Variants in CTIF observed in about 807,000 individuals in gnomAD.
The protein encoded by CTIF is CBP80/20-dependent translation initiation factor.
A neutral mutation model predicts 66.0 loss-of-function variants in CTIF; 21 were observed. The ratio of observed to expected loss-of-function variants is 0.32; its 90% confidence interval spans 0.23 to 0.46. CTIF has a LOEUF of 0.46. CTIF is among the 20% of genes least tolerant of loss of function. The probability of loss-of-function intolerance (pLI) is 1.00; values close to 1 mark genes in which losing one functional copy is unlikely to be tolerated. For missense variants in CTIF, 739 were observed against 812.7 expected, an observed-to-expected ratio of 0.91 and a Z score of 1.10; for synonymous variants, 345 against 326.4, an observed-to-expected ratio of 1.06 and a Z score of -0.62.
chr18:48,608,368 T>A (rs1385799289), intron 1 of CTIF, among the ~76,000 whole-genome samples: 2 of 152,144 alleles, frequency 1.3e-5, no homozygotes, highest in Non-Finnish European at 2.9e-5. Context: ...ATTTTTAAAA[T>A]ATCTAACTGG....
chr18:48,768,739 A>G (rs549059862), intron 9 of CTIF, among the ~76,000 whole-genome samples: 2 of 151,568 alleles, frequency 1.3e-5, no homozygotes, highest in Non-Finnish European at 3.0e-5. Flanking sequence ...AAAAGACCCC[A>G]TCTTTGAAAA....
At chr18:48,581,229 G>T (rs372728361) in intron 1 of CTIF, among the ~76,000 whole-genome samples, 670 of 149,168 alleles carry the variant, frequency 4.5e-3, no homozygotes, top group African/African-American at 4.9e-3. Flanking sequence ...TTTTTTTTGG[G>T]TTTTTTTTGT....
intron 6 of CTIF, among the ~76,000 whole-genome samples, chr18:48,691,605 G>A (rs2091926418): frequency 6.6e-6 from 1 of 152,116 alleles, no homozygotes; most frequent in Non-Finnish European, 1.5e-5. Flanking sequence ...CTGGGAACAG[G>A]TGCTCATGTC....
chr18:48,829,592 G>C (rs537420485), intron 10 of CTIF, among the ~76,000 whole-genome samples: 1 of 152,186 alleles, frequency 6.6e-6, no homozygotes, highest in African/African-American at 2.4e-5. Context: ...CCCAGCCTCC[G>C]TGCTCCAGCA....
At chr18:48,723,883 T>C (rs1418019748) in intron 7 of CTIF, among the ~76,000 whole-genome samples, 1 of 152,204 alleles carries the variant, frequency 6.6e-6, no homozygotes, top group Middle Eastern at 3.2e-3. Flanking sequence ...TTGGAATATT[T>C]TGGGAGGCCT....
At chr18:48,566,039 T>C (rs2089273215) in intron 1 of CTIF, 1 of 152,178 alleles carries the variant, frequency 6.6e-6, no homozygotes, top group Non-Finnish European at 1.5e-5. Flanking sequence ...CACTCAGGGA[T>C]GCTGGCATAC....
chr18:48,690,266 G>T (rs1007332111), intron 6 of CTIF, among the ~76,000 whole-genome samples: 1 of 151,792 alleles, frequency 6.6e-6, no homozygotes, highest in East Asian at 1.9e-4. Context: ...TAACTCCTCC[G>T]CTAGTCCTCC....
chr18:48,775,766 G>C (rs1910610794), intron 9 of CTIF, among the ~76,000 whole-genome samples: 1 of 152,364 alleles, frequency 6.6e-6, no homozygotes, highest in African/African-American at 2.4e-5. Context: ...GGATCTGGGT[G>C]GAAGGAAGAC....
At chr18:48,545,949 G>A (rs12607412) in intron 1 of CTIF, among the ~76,000 whole-genome samples, 96,433 of 152,046 alleles carry the variant, frequency 0.63, 31,742 homozygotes, top group East Asian at 0.92. Flanking sequence ...AGAATCCAGC[G>A]ACAGCCAAGA....
At chr18:48,738,339 C>T (rs965546075) in intron 7 of CTIF, among the ~76,000 whole-genome samples, 1 of 152,146 alleles carries the variant, frequency 6.6e-6, no homozygotes, top group Non-Finnish European at 1.5e-5. Context: ...TTTCTTAGCT[C>T]AGAACCCTCC....
intron 5 of CTIF, among the ~76,000 whole-genome samples, chr18:48,667,937 T>G (rs2091463521): frequency 6.6e-6 from 1 of 152,246 alleles, no homozygotes; most frequent in Non-Finnish European, 1.5e-5. Flanking sequence ...CACTGCAGCC[T>G]TCCTGGGATG....
chr18:48,837,549 G>A (rs531589032), intron 10 of CTIF, among the ~76,000 whole-genome samples: 1 of 152,214 alleles, frequency 6.6e-6, no homozygotes, highest in Non-Finnish European at 1.5e-5. Context: ...AGCCCAAACT[G>A]AACAAAGGCG....
chr18:48,786,171 A>T (rs762414885), intron 9 of CTIF, among the ~76,000 whole-genome samples: 18 of 152,152 alleles, frequency 1.2e-4, no homozygotes, highest in Admixed American at 2.0e-4. Flanking sequence ...GCAGGGAGAC[A>T]GGGGAGGTGC....
intron 10 of CTIF, among the ~76,000 whole-genome samples, chr18:48,825,716 G>C (rs1318887560): frequency 6.6e-6 from 1 of 152,180 alleles, no homozygotes. Flanking sequence ...AAGATAGTCT[G>C]TTCCCCAGGG....
At chr18:48,719,915 C>T (rs549871419) in intron 7 of CTIF, among the ~76,000 whole-genome samples, 33 of 152,134 alleles carry the variant, frequency 2.2e-4, no homozygotes, top group South Asian at 1.2e-3. Flanking sequence ...TGCTGTTGGC[C>T]GTGAGTTCAA....
At chr18:48,789,189 C>T (rs1159608230) in intron 9 of CTIF, among the ~76,000 whole-genome samples, 5 of 152,152 alleles carry the variant, frequency 3.3e-5, no homozygotes, top group Admixed American at 6.5e-5. Context: ...TCATTTTCTT[C>T]GGGTTTAGGG....
At chr18:48,618,680 C>T (rs2090439102) in intron 1 of CTIF, among the ~76,000 whole-genome samples, 1 of 152,162 alleles carries the variant, frequency 6.6e-6, no homozygotes, top group Admixed American at 6.5e-5. Flanking sequence ...TCCCAGCAGA[C>T]CTGGGCCCCT....
intron 1 of CTIF, among the ~76,000 whole-genome samples, chr18:48,561,773 C>T (rs2089169313): frequency 1.3e-5 from 2 of 152,182 alleles, no homozygotes; most frequent in South Asian, 4.1e-4. Context: ...GTGCCCTGGT[C>T]TAGGAGGACC....
chr18:48,602,750 C>A (rs1437846463), intron 1 of CTIF, among the ~76,000 whole-genome samples: 2 of 152,144 alleles, frequency 1.3e-5, no homozygotes, highest in African/African-American at 4.8e-5. Flanking sequence ...ACATTCAATA[C>A]CAAGCTTGAG....
Sources: allele counts gnomAD v4.1 joint callset (sites outside exome capture counted in the v4.1 genomes callset), GRCh38; gene constraint gnomAD v4.1.1; transcripts MANE v1.5; gene names NCBI Gene and HGNC (gene_info 2026-07-23, HGNC 2026-07-21).